Variants in CNTNAP4 observed in about 807,000 individuals in gnomAD.
CNTNAP4 encodes contactin-associated protein-like 4.
In CNTNAP4, 98 loss-of-function variants were observed where a neutral mutation model predicts 148.4. The ratio of observed to expected loss-of-function variants is 0.66; its 90% confidence interval spans 0.56 to 0.78. The LOEUF is 0.78. Ranked by LOEUF, CNTNAP4 falls within the 30% of genes least tolerant of loss-of-function variation. The probability of loss-of-function intolerance (pLI) is 0.00; values close to 1 mark genes in which losing one functional copy is unlikely to be tolerated. For synonymous variants in CNTNAP4, 730 were observed against 565.1 expected (o/e 1.29, Z -4.14); for missense variants, 1,935 against 1,565.6 (o/e 1.24, Z -3.98).
At chr16:76,427,711 G>A (rs1430116547) in intron 4 of CNTNAP4, 112 bp downstream of exon 4, 1 of 1,019,442 alleles carries the variant, frequency 9.8e-7, no homozygotes, top group East Asian at 2.8e-5. Flanking sequence ...ATAAAAAATA[G>A]GAATAATTTT....
intron 1 of CNTNAP4, among the ~76,000 whole-genome samples, chr16:76,307,008 G>A (rs9939043): frequency 0.47 from 70,896 of 151,746 alleles, 16,985 homozygotes; most frequent in African/African-American, 0.55. Context: ...GCTTAAATAG[G>A]TCACTAACAA....
At chr16:76,433,650 A>G (rs1213770905) in intron 4 of CNTNAP4, among the ~76,000 whole-genome samples, 1 of 152,148 alleles carries the variant, frequency 6.6e-6, no homozygotes, top group African/African-American at 2.4e-5. Context: ...GTCTCTGTCT[A>G]TTCAGGATGC....
intron 7 of CNTNAP4, 35 bp downstream of exon 7, chr16:76,449,893 A>G (rs775370329): frequency 1.7e-5 from 26 of 1,550,946 alleles, no homozygotes; most frequent in Non-Finnish European, 2.0e-5. Flanking sequence ...TAGTAAAACT[A>G]TATTTCTTTT....
At chr16:76,549,066 A>G (rs776259163) in intron 21 of CNTNAP4, among the ~76,000 whole-genome samples, 9 of 152,084 alleles carry the variant, frequency 5.9e-5, no homozygotes, top group Non-Finnish European at 8.8e-5. Context: ...CCAGGCGGAC[A>G]GGCAGGGGGA....
chr16:76,505,385 C>T lies in CNTNAP4; in HGVS notation c.2365+6691C>T, dbSNP rs78572301. On this transcript the variant is annotated intron_variant, in intron 15 of 23. Coordinates refer to ENST00000611870, the MANE Select transcript of CNTNAP4 (RefSeq NM_033401.5). ...GAAAGAAGCCAGACTAAAAAGCCTA[C>T]ATGCTTTGAATGATTCAATTTCTAA... 6.4e-3 allele frequency among the ~76,000 whole-genome samples: 626 copies of T among 97,876 alleles called. 101 individuals are homozygous for T. The highest frequency in any genetic ancestry group is 0.015 in the African/African-American group (595 of 39,092). The allele number at this position is 97,876 out of a possible 152,430, so 64.2% of individuals were successfully genotyped here.
chr16:76,502,081 AG>A (rs2082673002), intron 15 of CNTNAP4, among the ~76,000 whole-genome samples: 2 of 151,624 alleles, frequency 1.3e-5, no homozygotes, highest in Admixed American at 6.6e-5. Flanking sequence ...AAAAAAAAAA[AG>A]AATTTACAAA....
chr16:76,335,881 C>G (rs1035924357), intron 2 of CNTNAP4, among the ~76,000 whole-genome samples: 5 of 152,036 alleles, frequency 3.3e-5, no homozygotes, highest in Non-Finnish European at 7.4e-5. Flanking sequence ...AATGTCATGA[C>G]CAAGTACATC....
At chr16:76,344,121 T>C (rs1465761342) in intron 2 of CNTNAP4, among the ~76,000 whole-genome samples, 1 of 152,186 alleles carries the variant, frequency 6.6e-6, no homozygotes, top group Admixed American at 6.5e-5. Context: ...TATCAGTCTA[T>C]TGTAGAACAC....
intron 4 of CNTNAP4, among the ~76,000 whole-genome samples, chr16:76,443,315 C>T (rs968207558): frequency 3.3e-5 from 5 of 151,994 alleles, no homozygotes; most frequent in African/African-American, 1.2e-4. Flanking sequence ...CACATTTTTC[C>T]TATGGTCAAT....
Position 76,305,408 on chromosome 16 carries a change from T to A in CNTNAP4, c.86-11005T>A, listed in dbSNP as rs188168382. ...CTAACTGATTAGCTGGCATTTTTTT[T>A]AAAACCAATTCCTTCCTTGTGCTTT... On this transcript the variant is annotated intron_variant, in intron 1 of 23. Transcript: ENST00000611870. 3.6e-3 allele frequency among the ~76,000 whole-genome samples: 543 copies of A among 152,332 alleles called. 5 individuals are homozygous for A. The highest frequency in any genetic ancestry group is 0.013 in the African/African-American group (532 of 41,572).
intron 1 of CNTNAP4, among the ~76,000 whole-genome samples, chr16:76,284,542 G>C (rs1050328705): frequency 1.3e-5 from 2 of 151,754 alleles, no homozygotes; most frequent in African/African-American, 4.8e-5. Flanking sequence ...AAGGATTCAG[G>C]GTTTTAAAAA....
chr16:76,436,225 G>T (rs2079820387), intron 4 of CNTNAP4, among the ~76,000 whole-genome samples: 1 of 152,058 alleles, frequency 6.6e-6, no homozygotes, highest in Non-Finnish European at 1.5e-5. Flanking sequence ...GGCAGTGTGG[G>T]TCAGGGAGGG....
intron 15 of CNTNAP4, among the ~76,000 whole-genome samples, chr16:76,511,124 T>A (rs1261948363): frequency 3.3e-5 from 5 of 152,224 alleles, no homozygotes; most frequent in Admixed American, 6.5e-5. Context: ...TCAGTCTCTC[T>A]ATCTGAGCAA....
chr16:76,518,618 CATGCATAGAAT>C (rs1568479915), intron 15 of CNTNAP4, among the ~76,000 whole-genome samples: 18 of 22,290 alleles, frequency 8.1e-4, no homozygotes, highest in African/African-American at 2.0e-3. Context: ...CATAGAATTA[CATGCATAGAAT>C]GTGTAATGAT....
At chr16:76,382,431 C>T (rs1039383299) in intron 3 of CNTNAP4, among the ~76,000 whole-genome samples, 4 of 152,112 alleles carry the variant, frequency 2.6e-5, no homozygotes, top group African/African-American at 9.7e-5. Flanking sequence ...TTGCTAATGA[C>T]AGCCATTTTT....
chr16:76,328,337 G>C (rs1206792403), intron 2 of CNTNAP4, among the ~76,000 whole-genome samples: 1 of 152,106 alleles, frequency 6.6e-6, no homozygotes, highest in African/African-American at 2.4e-5. Flanking sequence ...CCTACCTGAA[G>C]TATAGAATCT....
At chr16:76,291,591 C>G (rs1161991743) in intron 1 of CNTNAP4, among the ~76,000 whole-genome samples, 2 of 152,172 alleles carry the variant, frequency 1.3e-5, no homozygotes, top group Non-Finnish European at 2.9e-5. Context: ...ATCCCCTTCT[C>G]AAAAGTTGAT....
intron 11 of CNTNAP4, among the ~76,000 whole-genome samples, chr16:76,477,848 A>C (rs1183612574): frequency 6.6e-6 from 1 of 152,226 alleles, no homozygotes; most frequent in Non-Finnish European, 1.5e-5. Flanking sequence ...TCAGTGACTG[A>C]ATCTAAATAT....
intron 14 of CNTNAP4, 47 bp from the exon 15 acceptor site, chr16:76,498,520 G>A (rs1220640711): frequency 6.4e-6 from 10 of 1,558,118 alleles, no homozygotes; most frequent in Middle Eastern, 1.7e-4. Flanking sequence ...ATGCAATAAG[G>A]ACTATTAAAA....
Sources: gnomAD v4.1 joint callset for allele counts (sites outside exome capture counted in the v4.1 genomes callset) on GRCh38, gnomAD v4.1.1 for gene constraint, MANE v1.5 for transcripts, NCBI Gene and HGNC (gene_info 2026-07-23, HGNC 2026-07-21) for gene names.